The following FHOD3 variants were observed in gnomAD, a reference collection of about 807,000 sequenced individuals.
The protein encoded by FHOD3 is formin homology 2 domain containing 3.
FHOD3 carries 90 observed loss-of-function variants against 173.0 expected under a neutral mutation model. The ratio of observed to expected loss-of-function variants is 0.52; its 90% CI spans 0.44 to 0.62. The LOEUF is 0.62. Ranked by LOEUF, FHOD3 falls within the 20% of genes least tolerant of loss-of-function variation. The pLI is 0.00. For missense variants in FHOD3, 1,945 were observed against 2,034.7 expected (o/e 0.96, Z 0.85); for synonymous variants, 828 against 823.0 (o/e 1.01, Z -0.10).
intron 3 of FHOD3, among the ~76,000 whole-genome samples, chr18:36,486,192 C>T (rs530185419): frequency 1.3e-5 from 2 of 152,314 alleles, no homozygotes; most frequent in South Asian, 4.1e-4. Flanking sequence ...CTGGATGGTT[C>T]TGTCTACATC....
intron 1 of FHOD3, among the ~76,000 whole-genome samples, chr18:36,300,796 TG>T (rs1164735043): frequency 3.3e-5 from 5 of 152,138 alleles, no homozygotes; most frequent in Admixed American, 2.6e-4. Flanking sequence ...TGGAGTGCAG[TG>T]GTGTGATCAT....
At chr18:36,524,667 G>A (rs1168632465) in intron 5 of FHOD3, among the ~76,000 whole-genome samples, 2 of 152,138 alleles carry the variant, frequency 1.3e-5, no homozygotes, top group Admixed American at 1.3e-4. Flanking sequence ...CATCCTGCTG[G>A]TCCACGCCTG....
intron 5 of FHOD3, among the ~76,000 whole-genome samples, chr18:36,568,412 A>G (rs2058347552): frequency 6.8e-6 from 1 of 147,462 alleles, no homozygotes; most frequent in African/African-American, 2.5e-5. Context: ...TCAGGAATAT[A>G]ATGGAGAAGG....
intron 3 of FHOD3, among the ~76,000 whole-genome samples, chr18:36,432,441 AG>A (rs1456647333): frequency 2.6e-5 from 4 of 152,152 alleles, no homozygotes; most frequent in Non-Finnish European, 5.9e-5. Flanking sequence ...ACTCTGTTCA[AG>A]GGGTCTTTTT....
At chr18:36,444,780 A>G (rs1332023476) in intron 3 of FHOD3, among the ~76,000 whole-genome samples, 1 of 151,980 alleles carries the variant, frequency 6.6e-6, no homozygotes, top group Non-Finnish European at 1.5e-5. Context: ...TTTTTATTCT[A>G]TTTATGACAT....
At chr18:36,613,664 C>CTGGT (rs2032917553) in intron 9 of FHOD3, among the ~76,000 whole-genome samples, 1 of 152,134 alleles carries the variant, frequency 6.6e-6, no homozygotes, top group South Asian at 2.1e-4. Context: ...CCTTCCACCT[C>CTGGT]TGGTTGGTTG....
chr18:36,354,796 A>T (rs1263930585), intron 1 of FHOD3, among the ~76,000 whole-genome samples: 1 of 150,888 alleles, frequency 6.6e-6, no homozygotes, highest in African/African-American at 2.4e-5. Context: ...ACAGAGCGAG[A>T]CTCTGTCGCC....
chr18:36,774,166 C>T (rs1367542327), intron 28 of FHOD3, among the ~76,000 whole-genome samples: 7 of 152,178 alleles, frequency 4.6e-5, no homozygotes, highest in Admixed American at 2.0e-4. Context: ...AGTTGGTGTT[C>T]GCATTTTAAC....
intron 10 of FHOD3, among the ~76,000 whole-genome samples, chr18:36,635,650 G>C (rs1362396960): frequency 6.6e-6 from 1 of 152,186 alleles, no homozygotes; most frequent in East Asian, 1.9e-4. Flanking sequence ...TGATTCTCTG[G>C]CAATCAGTAA....
At position 36,741,676 on chromosome 18, in the gene FHOD3, C is replaced by G. The variant is rs2041908926; in HGVS notation, c.3759+838C>G. Among the ~76,000 whole-genome samples the G allele has an allele frequency of 2.0e-5, 3 of 152,028 alleles. No individual in the cohort carries two copies. In the South Asian group the frequency reaches 6.2e-4, roughly 32 times the overall value. On this transcript the variant is annotated intron_variant, in intron 21 of 28. Transcript: ENST00000590592. ...GTCCCAGCTACTCAGGAGGCTGTGG[C>G]AGGAGGATCACTTGGGGCCAGGAGT...
chr18:36,406,980 C>T (rs1302308968), intron 3 of FHOD3, among the ~76,000 whole-genome samples: 1 of 152,198 alleles, frequency 6.6e-6, no homozygotes. Flanking sequence ...ATGCCTGAGA[C>T]CAGTGCTGTG....
intron 3 of FHOD3, among the ~76,000 whole-genome samples, chr18:36,458,197 C>G (rs972620385): frequency 6.6e-6 from 1 of 152,018 alleles, no homozygotes; most frequent in African/African-American, 2.4e-5. Context: ...AGGAAACTTA[C>G]AAACTCACCG....
intron 3 of FHOD3, among the ~76,000 whole-genome samples, chr18:36,398,684 C>T (rs970799591): frequency 2.0e-5 from 3 of 152,212 alleles, no homozygotes; most frequent in Admixed American, 6.5e-5. Flanking sequence ...GAGCTTTAAG[C>T]GAGTGGTCAG....
intron 3 of FHOD3, among the ~76,000 whole-genome samples, chr18:36,404,242 C>T (rs1419480729): frequency 1.3e-5 from 2 of 152,194 alleles, no homozygotes; most frequent in African/African-American, 4.8e-5. Context: ...CAGCCATCTG[C>T]TGAGGTGTTG....
At chr18:36,753,603 ACT>A (rs1320699489) in intron 24 of FHOD3, among the ~76,000 whole-genome samples, 2 of 151,982 alleles carry the variant, frequency 1.3e-5, no homozygotes, top group African/African-American at 4.8e-5. Flanking sequence ...CATGTAATAA[ACT>A]CTGTTTATCT....
chr18:36,577,317 A>G (rs975072363), intron 6 of FHOD3, among the ~76,000 whole-genome samples: 2 of 148,324 alleles, frequency 1.3e-5, no homozygotes, highest in African/African-American at 5.1e-5. Flanking sequence ...TATTTTATTT[A>G]TTGAGACAGA....
chr18:36,725,793 TC>T (rs1435611767), intron 19 of FHOD3, among the ~76,000 whole-genome samples: 1 of 152,224 alleles, frequency 6.6e-6, no homozygotes, highest in Non-Finnish European at 1.5e-5. Flanking sequence ...TAAAAATGGA[TC>T]TTTTTATGTT....
intron 3 of FHOD3, among the ~76,000 whole-genome samples, chr18:36,446,406 C>T (rs7245178): frequency 0.27 from 40,603 of 149,650 alleles, 6,839 homozygotes; most frequent in East Asian, 0.56. Context: ...CAAGCCTCTG[C>T]GGACTTTTTT....
At chr18:36,652,486 G>T in intron 11 of FHOD3, 84 bp from the exon 12 acceptor site, 2 of 1,432,068 alleles carry the variant, frequency 1.4e-6, no homozygotes, top group South Asian at 1.4e-5. Flanking sequence ...GTGGCTTTTT[G>T]CCTGTCTCTC....
Sources: gnomAD v4.1 joint callset for allele counts (sites outside exome capture counted in the v4.1 genomes callset) on GRCh38, gnomAD v4.1.1 for gene constraint, MANE v1.5 for transcripts, NCBI Gene and HGNC (gene_info 2026-07-23, HGNC 2026-07-21) for gene names.